Variants in EYS observed in about 807,000 individuals in gnomAD.
EYS encodes protein eyes shut homolog.
Under a neutral mutation model 282.1 loss-of-function variants are expected in EYS, and 250 were observed. That is an observed-to-expected ratio of 0.89 (90% CI 0.80 to 0.98). The LOEUF is 0.98. EYS is among the 50% of genes least tolerant of loss of function. The probability of loss-of-function intolerance (pLI) is 0.00; values close to 1 mark genes in which losing one functional copy is unlikely to be tolerated. For synonymous variants in EYS, 1,355 were observed against 1,282.9 expected, an observed-to-expected ratio of 1.06 and a Z score of -1.20; for missense variants, 4,016 against 3,709.0, an observed-to-expected ratio of 1.08 and a Z score of -2.15.
rs1768495268 is a variant in EYS at position 65,443,398 on chromosome 6, G to GTATGTACACATATAGCCATA, written c.863-38051_863-38032dup. Among the ~76,000 whole-genome samples, 3 of 127,350 alleles carry GTATGTACACATATAGCCATA rather than the reference G, an allele frequency of 2.4e-5. 1 individual carries two copies. The highest frequency in any genetic ancestry group is 5.4e-5 in the Non-Finnish European group (3 of 55,822). 83.5% of individuals were successfully genotyped at this position (127,350 alleles called of 152,430 possible). ...CACATATAGACATATATGCATACAT[G>GTATGTACACATATAGCCATA]TATGTACACATATAGCCATATATGT... is the stretch of plus-strand genomic sequence containing the variant. On this transcript the variant is annotated intron_variant, in intron 5 of 42. Coordinates refer to ENST00000503581, the MANE Select transcript of EYS (RefSeq NM_001142800.2).
intron 14 of EYS, among the ~76,000 whole-genome samples, chr6:64,991,856 A>G (rs1044019695): frequency 6.6e-6 from 1 of 151,766 alleles, no homozygotes; most frequent in African/African-American, 2.4e-5. Flanking sequence ...ATCATCCATT[A>G]TTTCCTCTTT....
At chr6:64,170,341 G>C (rs992662936) in intron 31 of EYS, among the ~76,000 whole-genome samples, 8 of 152,110 alleles carry the variant, frequency 5.3e-5, no homozygotes, top group African/African-American at 1.9e-4. Flanking sequence ...TATTTGTTAT[G>C]GCTGCGGTAA....
chr6:64,958,760 A>AAAAAAAAAAAAAAAAAAG (rs1769812125), intron 14 of EYS, among the ~76,000 whole-genome samples: 1 of 148,798 alleles, frequency 6.7e-6, no homozygotes, highest in African/African-American at 2.5e-5. Context: ...AAAAAAAAAA[A>AAAAAAAAAAAAAAAAAAG]AAAGAAACAA....
Position 64,276,684 on chromosome 6 carries a change from T to C in EYS, c.6191+30286A>G, listed in dbSNP as rs117843199. 7.2e-4 allele frequency among the ~76,000 whole-genome samples: 110 copies of C among 152,276 alleles called. 2 individuals carry two copies. In the East Asian group the frequency reaches 0.014, roughly 19 times the overall value. On this transcript the variant is annotated intron_variant, in intron 30 of 42. Transcript: ENST00000503581. Reference sequence around the variant, plus strand: ...AATGGTGAAAGCATATGTGTGATTATATGCAGTATTCAAGGTCCTGAAATA... The same window carrying C: ...AATGGTGAAAGCATATGTGTGATTACATGCAGTATTCAAGGTCCTGAAATA...
chr6:65,060,489 G>T (rs1371048202), intron 12 of EYS, among the ~76,000 whole-genome samples: 1 of 151,824 alleles, frequency 6.6e-6, no homozygotes, highest in Admixed American at 6.6e-5. Context: ...ATACTTTACA[G>T]GAACATCATG....
intron 14 of EYS, among the ~76,000 whole-genome samples, chr6:64,993,841 T>C (rs1425606092): frequency 1.3e-5 from 2 of 151,316 alleles, no homozygotes; most frequent in African/African-American, 4.8e-5. Flanking sequence ...AGTTTGTTTT[T>C]GCATCTGAAT....
chr6:64,945,014 T>A (rs373990371), intron 15 of EYS, among the ~76,000 whole-genome samples: 1 of 151,742 alleles, frequency 6.6e-6, no homozygotes, highest in East Asian at 1.9e-4. Flanking sequence ...CATTCCTTTT[T>A]GCTGAAATAA....
rs1765875185 is a variant in EYS, at chr6:63,957,468, A to G, written c.7055+26915T>C. Among the ~76,000 whole-genome samples the G allele has an allele frequency of 1.4e-5, 2 of 140,942 alleles. 1 individual carries two copies. Among genetic ancestry groups the G allele is most frequent in the Admixed American group, 1.5e-4 (2 of 13,046 alleles). The allele number at this position is 140,942 out of a possible 152,430, so 92.5% of individuals were successfully genotyped here. ...TTTGGGGTTACAAATACATTTTAGT[A>G]GGTAAATTTTTAAATAGGAATTCAC... On this transcript the variant is annotated intron_variant, in intron 35 of 42. Transcript: ENST00000503581.
chr6:64,097,744 C>A (rs942287773), intron 31 of EYS, among the ~76,000 whole-genome samples: 2 of 152,070 alleles, frequency 1.3e-5, no homozygotes, highest in African/African-American at 4.8e-5. Flanking sequence ...ACGCTCGGTA[C>A]ACTGACATTG....
chr6:65,007,357 C>A (rs568822700), intron 13 of EYS, among the ~76,000 whole-genome samples: 1 of 152,204 alleles, frequency 6.6e-6, no homozygotes, highest in South Asian at 2.1e-4. Context: ...ACCAATTTGA[C>A]CCTCAGACGC....
At chr6:65,606,105 T>C (rs570015181) in intron 2 of EYS, among the ~76,000 whole-genome samples, 33 of 151,710 alleles carry the variant, frequency 2.2e-4, no homozygotes, top group Non-Finnish European at 3.7e-4. Context: ...AAAAACAATA[T>C]TTATTTACAT....
intron 31 of EYS, among the ~76,000 whole-genome samples, chr6:64,087,520 C>A (rs1772197305): frequency 6.6e-6 from 1 of 152,056 alleles, no homozygotes; most frequent in South Asian, 2.1e-4. Context: ...TCTCATCTAT[C>A]CTCCTACAGT....
rs1278924557 is a variant in EYS, at chr6:63,789,143, G to A, written c.7493C>T (p.Ala2498Val). Residue 2498 changes from alanine (A) to valine (V), a missense_variant, in exon 38 of 43, where the codon GCA becomes GTA. Transcript: ENST00000503581. The stretch of plus-strand genomic sequence containing the variant: ...ATTGAGGGGCTCGCTCCTGATGCTT[G>A]CTATGCCAGACCCCAGGTTATAACT... ...VYSYNLGSGIASIRSEPLNLS... is the reference protein window; with the variant it reads ...VYSYNLGSGIVSIRSEPLNLS... The A allele has an allele frequency of 8.4e-6, 13 of 1,551,662 alleles. No homozygotes were observed. The highest frequency in any genetic ancestry group is 1.1e-5 in the Non-Finnish European group (13 of 1,146,942).
intron 31 of EYS, 102 bp from the exon 32 acceptor site, chr6:64,082,104 C>A: frequency 1.4e-6 from 1 of 730,978 alleles, no homozygotes; most frequent in South Asian, 2.3e-5. Flanking sequence ...GAAAAGGTAA[C>A]ACTAGTATTT....
chr6:65,569,996 T>C (rs1582467884), intron 2 of EYS, among the ~76,000 whole-genome samples: 1 of 151,778 alleles, frequency 6.6e-6, no homozygotes, highest in Non-Finnish European at 1.5e-5. Flanking sequence ...GACAAGGGAG[T>C]TGGAATGAGG....
At chr6:65,466,364 T>C (rs1178066590) in intron 5 of EYS, among the ~76,000 whole-genome samples, 1 of 151,884 alleles carries the variant, frequency 6.6e-6, no homozygotes, top group East Asian at 1.9e-4. Context: ...AGCAAATGAG[T>C]CGAAAGAAAT....
chr6:65,397,151 T>C (rs1478396497), intron 7 of EYS, among the ~76,000 whole-genome samples: 1 of 151,858 alleles, frequency 6.6e-6, no homozygotes, highest in Non-Finnish European at 1.5e-5. Flanking sequence ...TTTCATTGAG[T>C]TTCCTGTTGT....
At chr6:64,441,335 C>A (rs545241645) in intron 26 of EYS, among the ~76,000 whole-genome samples, 1 of 152,174 alleles carries the variant, frequency 6.6e-6, no homozygotes, top group Middle Eastern at 3.2e-3. Context: ...AAACTTTCCA[C>A]TCAGGGGATG....
intron 33 of EYS, among the ~76,000 whole-genome samples, chr6:64,030,133 G>A (rs1384915531): frequency 6.6e-6 from 1 of 152,096 alleles, no homozygotes; most frequent in African/African-American, 2.4e-5. Flanking sequence ...AAGAGACAGA[G>A]AGACAGAAAG....
Sources: allele counts gnomAD v4.1 joint callset (sites outside exome capture counted in the v4.1 genomes callset), GRCh38; gene constraint gnomAD v4.1.1; transcripts MANE v1.5; gene names NCBI Gene and HGNC (gene_info 2026-07-23, HGNC 2026-07-21).